Variants in KDM7A observed in about 807,000 individuals in gnomAD.
KDM7A encodes lysine-specific demethylase 7A.
A neutral mutation model predicts 114.8 loss-of-function variants in KDM7A; 28 were observed. The ratio of observed to expected loss-of-function variants is 0.24; its 90% CI spans 0.18 to 0.33. KDM7A has a LOEUF of 0.33. KDM7A is among the 10% of genes least tolerant of loss of function. The probability of loss-of-function intolerance (pLI) is 1.00; values close to 1 mark genes in which losing one functional copy is unlikely to be tolerated. For synonymous variants in KDM7A, 423 were observed against 397.8 expected, an observed-to-expected ratio of 1.06 and a Z score of -0.75; for missense variants, 942 against 1,142.5, an observed-to-expected ratio of 0.82 and a Z score of 2.53.
chr7:140,144,710 TAC>T (rs3030431), intron 1 of KDM7A, among the ~76,000 whole-genome samples: 220 of 145,794 alleles, frequency 1.5e-3, no homozygotes, highest in Non-Finnish European at 2.2e-3. Context: ...GTCCCCACCA[TAC>T]ACACACACAC....
chr7:140,137,943 G>A (rs1274352344), intron 2 of KDM7A, among the ~76,000 whole-genome samples: 1 of 147,498 alleles, frequency 6.8e-6, no homozygotes, highest in East Asian at 1.9e-4. Flanking sequence ...GTACATTCAG[G>A]CAAAGGTTTT....
chr7:140,126,199 C>G (rs965508482), intron 6 of KDM7A, among the ~76,000 whole-genome samples: 3 of 152,194 alleles, frequency 2.0e-5, no homozygotes, highest in African/African-American at 7.2e-5. Context: ...GTGTAAGCCA[C>G]TACACCCAGC....
intron 11 of KDM7A, among the ~76,000 whole-genome samples, chr7:140,105,287 T>C (rs1818312435): frequency 6.6e-6 from 1 of 152,198 alleles, no homozygotes; most frequent in Admixed American, 6.5e-5. Flanking sequence ...TATTTCTTTC[T>C]CCTGCCTGAT....
At chr7:140,142,967 G>A (rs1219650520) in intron 1 of KDM7A, among the ~76,000 whole-genome samples, 1 of 151,956 alleles carries the variant, frequency 6.6e-6, no homozygotes, top group Admixed American at 6.6e-5. Flanking sequence ...GGATCACGAG[G>A]TCAGGAGATC....
At chr7:140,156,573 C>T (rs1021766892) in intron 1 of KDM7A, among the ~76,000 whole-genome samples, 6 of 152,104 alleles carry the variant, frequency 3.9e-5, no homozygotes, top group African/African-American at 1.4e-4. Flanking sequence ...GCCCTGGGGA[C>T]ATTTGGAAGA....
intron 1 of KDM7A, among the ~76,000 whole-genome samples, chr7:140,161,476 A>G (rs566752825): frequency 5.3e-5 from 8 of 152,192 alleles, no homozygotes; most frequent in Non-Finnish European, 1.2e-4. Context: ...CAGACAATGG[A>G]AATATATCCA....
intron 11 of KDM7A, among the ~76,000 whole-genome samples, chr7:140,105,937 T>C (rs955083252): frequency 1.3e-5 from 2 of 152,140 alleles, no homozygotes; most frequent in Non-Finnish European, 2.9e-5. Flanking sequence ...TTTTGGGTGG[T>C]AGGCTCTTAA....
chr7:140,127,653 T>C (rs1465123395), intron 4 of KDM7A, 70 bp from the exon 5 acceptor site: 37 of 1,267,258 alleles, frequency 2.9e-5, no homozygotes, highest in Non-Finnish European at 4.1e-5. Context: ...AATCAAAAAA[T>C]ATTTTAACTT....
At chr7:140,170,595 G>A (rs771809299) in intron 1 of KDM7A, among the ~76,000 whole-genome samples, 33 of 152,120 alleles carry the variant, frequency 2.2e-4, no homozygotes, top group Non-Finnish European at 4.6e-4. Flanking sequence ...GTGTAAAATG[G>A]GGATGATAAT....
At chr7:140,140,742 CAA>C (rs56713880) in intron 1 of KDM7A, among the ~76,000 whole-genome samples, 41,556 of 115,728 alleles carry the variant, frequency 0.36, 5,910 homozygotes, top group Middle Eastern at 0.52. Context: ...GACTTCATCT[CAA>C]AAAAAAAAAA....
chr7:140,149,928 G>A (rs1794380827), intron 1 of KDM7A, among the ~76,000 whole-genome samples: 1 of 152,208 alleles, frequency 6.6e-6, no homozygotes, highest in Non-Finnish European at 1.5e-5. Flanking sequence ...CAGTATGTAT[G>A]TGAAGTTCTA....
At chr7:140,150,499 A>G (rs1351677257) in intron 1 of KDM7A, among the ~76,000 whole-genome samples, 1 of 152,208 alleles carries the variant, frequency 6.6e-6, no homozygotes, top group Non-Finnish European at 1.5e-5. Flanking sequence ...AGGAATATGG[A>G]AAGATCTCCA....
At chr7:140,145,285 C>T (rs886952420) in intron 1 of KDM7A, among the ~76,000 whole-genome samples, 1 of 151,946 alleles carries the variant, frequency 6.6e-6, no homozygotes, top group Non-Finnish European at 1.5e-5. Context: ...TAAAGGATGA[C>T]CCGTGAAATG....
chr7:140,162,099 G>C (rs1794526359), intron 1 of KDM7A, among the ~76,000 whole-genome samples: 1 of 152,068 alleles, frequency 6.6e-6, no homozygotes, highest in Non-Finnish European at 1.5e-5. Context: ...ACTTTGGGAG[G>C]CCGAGGCAGA....
chr7:140,139,034 C>CACCCTA, intron 2 of KDM7A, 71 bp downstream of exon 2: 1 of 935,532 alleles, frequency 1.1e-6, no homozygotes, highest in Non-Finnish European at 1.7e-6. Flanking sequence ...TAAAGTATTA[C>CACCCTA]CATGTACATG....
chr7:140,123,052 T>G (rs1265734019), intron 7 of KDM7A, among the ~76,000 whole-genome samples: 1 of 152,192 alleles, frequency 6.6e-6, no homozygotes, highest in Non-Finnish European at 1.5e-5. Flanking sequence ...AGCAAAGGGT[T>G]TGAATAGACA....
chr7:140,157,620 C>T (rs1794472295), intron 1 of KDM7A, among the ~76,000 whole-genome samples: 1 of 152,150 alleles, frequency 6.6e-6, no homozygotes, highest in Non-Finnish European at 1.5e-5. Flanking sequence ...TGCAACAGCA[C>T]TCCAGCCTGG....
At chr7:140,123,436 T>C (rs1293715351) in intron 7 of KDM7A, among the ~76,000 whole-genome samples, 3 of 152,200 alleles carry the variant, frequency 2.0e-5, no homozygotes, top group South Asian at 2.1e-4. Flanking sequence ...AACAACCCAA[T>C]GTCCACCAAC....
At chr7:140,128,907 T>C (rs1036339493) in intron 4 of KDM7A, among the ~76,000 whole-genome samples, 1 of 152,240 alleles carries the variant, frequency 6.6e-6, no homozygotes, top group African/African-American at 2.4e-5. Flanking sequence ...GCAAGGGGTA[T>C]AGGGGATCCC....
Sources: gnomAD v4.1 joint callset for allele counts (sites outside exome capture counted in the v4.1 genomes callset) on GRCh38, gnomAD v4.1.1 for gene constraint, MANE v1.5 for transcripts, NCBI Gene and HGNC (gene_info 2026-07-23, HGNC 2026-07-21) for gene names.